IPCEF1: variants seen among roughly 807,000 people sequenced by gnomAD.
IPCEF1 encodes the protein interaction protein for cytohesin exchange factors 1, also known as interactor protein for cytohesin exchange factors 1.
IPCEF1 carries 31 observed loss-of-function variants against 50.9 expected under a neutral mutation model. That is an observed-to-expected ratio of 0.61 (90% CI 0.46 to 0.82). The LOEUF is 0.82. Ranked by LOEUF, IPCEF1 falls within the 40% of genes least tolerant of loss-of-function variation. IPCEF1 has a pLI of 0.00. For missense variants in IPCEF1, 458 were observed against 514.0 expected (o/e 0.89, Z 1.05); for synonymous variants, 181 against 192.0 (o/e 0.94, Z 0.47).
Position 154,156,557 on chromosome 6 carries a change from A to C in IPCEF1, c.*3271T>G, listed in dbSNP as rs2128544077. The C allele has an allele frequency of 6.6e-6, 1 of 152,332 alleles. No individual in the cohort carries two copies. Among genetic ancestry groups the C allele is most frequent in the Non-Finnish European group, 1.5e-5 (1 of 68,068 alleles). The allele number at this position is 152,332 out of a possible 1,614,324, so 9.4% of individuals were successfully genotyped here. ...CATGGGGCAGCGGGAGGGGGCTGAA[A>C]ACACACCAATTTGCAAACTACAAAG... On this transcript the variant is annotated 3_prime_UTR_variant, in exon 12 of 12. Coordinates refer to ENST00000367220, the MANE Select transcript of IPCEF1 (RefSeq NM_001130700.2).
chr6:154,194,951 T>G (rs1423995094), intron 10 of IPCEF1, among the ~76,000 whole-genome samples: 1 of 151,974 alleles, frequency 6.6e-6, no homozygotes, highest in Non-Finnish European at 1.5e-5. Flanking sequence ...AGGAACAAAA[T>G]TAAGTGCTGA....
At chr6:154,210,714 T>A (rs1048049451) in intron 9 of IPCEF1, among the ~76,000 whole-genome samples, 1 of 152,216 alleles carries the variant, frequency 6.6e-6, no homozygotes, top group African/African-American at 2.4e-5. Context: ...ATGAATATAG[T>A]AAGAAAGAAT....
Position 154,221,332 on chromosome 6 carries a change from G to T in IPCEF1, c.321-4C>A. ...TGGATGGCTGATCTTAAAAGCACTT[G>T]AAGGAGGAAAAGCACAAACACATAA... On this transcript the variant is annotated splice_polypyrimidine_tract_variant and splice_region_variant and intron_variant, in intron 6 of 11. Coordinates refer to ENST00000367220, the MANE Select transcript of IPCEF1 (RefSeq NM_001130700.2). 6.2e-7 allele frequency: 1 copy of T among 1,613,276 alleles called. No homozygotes were observed. The highest frequency in any genetic ancestry group is 8.5e-7 in the Non-Finnish European group (1 of 1,179,512).
In IPCEF1 at chr6:154,302,284, G is replaced by A. The variant is rs188122699; in HGVS notation, c.-61-12528C>T. ...CTGCTGTCAGAAATCTCTGAGTCAC[G>A]CTCACTTCGAGAGGCAGCAAAACCA... On this transcript the variant is annotated intron_variant, in intron 1 of 11. Coordinates refer to ENST00000367220, the MANE Select transcript of IPCEF1 (RefSeq NM_001130700.2). Among the ~76,000 whole-genome samples the A allele has an allele frequency of 1.8e-4, 27 of 152,216 alleles. No homozygotes were observed. The East Asian group carries it at 5.0e-3, about 28-fold the overall frequency.
chr6:154,262,278 A>G (rs1317690622), intron 3 of IPCEF1, among the ~76,000 whole-genome samples: 1 of 152,254 alleles, frequency 6.6e-6, no homozygotes, highest in Non-Finnish European at 1.5e-5. Flanking sequence ...TTTGTACACA[A>G]GACCAAGGGA....
intron 1 of IPCEF1, among the ~76,000 whole-genome samples, chr6:154,294,109 T>C (rs1310047140): frequency 6.6e-6 from 1 of 152,252 alleles, no homozygotes; most frequent in Non-Finnish European, 1.5e-5. Context: ...ATTAACCTCC[T>C]AATTGTTATT....
At chr6:154,342,363 T>C (rs116988473) in intron 1 of IPCEF1, among the ~76,000 whole-genome samples, 2,975 of 152,336 alleles carry the variant, frequency 0.02, 50 homozygotes, top group Middle Eastern at 0.058. Flanking sequence ...CCTTGTCTTA[T>C]GTAAAATGTA....
At chr6:154,355,497 T>TC (rs1784201370) in intron 1 of IPCEF1, among the ~76,000 whole-genome samples, 2 of 151,784 alleles carry the variant, frequency 1.3e-5, no homozygotes, top group Non-Finnish European at 1.5e-5. Context: ...TTTCTTTCTT[T>TC]TTTTTTTTTG....
chr6:154,295,585 C>T lies in IPCEF1; in HGVS notation c.-61-5829G>A, dbSNP rs376861451. Among the ~76,000 whole-genome samples, 34 of 152,322 alleles carry T rather than the reference C, an allele frequency of 2.2e-4. 2 individuals are homozygous for T. In the East Asian group the frequency reaches 4.8e-3, roughly 22 times the overall value. On this transcript the variant is annotated intron_variant, in intron 1 of 11. Transcript: ENST00000367220. Reference sequence around the variant, plus strand: ...GAGCACAGGGGGTCTAGGTCAGCGACGCCTGCACAAGGATCTGCTGCCTCT... The same window carrying T: ...GAGCACAGGGGGTCTAGGTCAGCGATGCCTGCACAAGGATCTGCTGCCTCT...
intron 1 of IPCEF1, among the ~76,000 whole-genome samples, chr6:154,346,023 G>A (rs192085026): frequency 2.1e-4 from 32 of 151,994 alleles, no homozygotes; most frequent in Non-Finnish European, 3.5e-4. Context: ...GTGCCACCGC[G>A]CCTGGCTAAT....
At chr6:154,201,203 C>T (rs1298713280) in intron 9 of IPCEF1, among the ~76,000 whole-genome samples, 1 of 152,190 alleles carries the variant, frequency 6.6e-6, no homozygotes, top group Non-Finnish European at 1.5e-5. Context: ...TACCCAGTCT[C>T]TGATAGTTCT....
chr6:154,175,685 C>T (rs1164600385), intron 10 of IPCEF1, among the ~76,000 whole-genome samples: 1 of 151,974 alleles, frequency 6.6e-6, no homozygotes, highest in Non-Finnish European at 1.5e-5. Context: ...AATTAATAGC[C>T]TACCAACCAA....
Position 154,256,154 on chromosome 6 carries a change from A to G in IPCEF1, c.37-8666T>C, listed in dbSNP as rs150654116. ...ACAGTTCTGGAAGCTGGGAAGTCCA[A>G]CATCAAGATGTGGGCAGAGCTGGTG... On this transcript the variant is annotated intron_variant, in intron 3 of 11. Coordinates refer to ENST00000367220, the MANE Select transcript of IPCEF1 (RefSeq NM_001130700.2). Among the ~76,000 whole-genome samples the G allele has an allele frequency of 2.1e-3, 314 of 152,288 alleles. 5 individuals carry two copies. The East Asian group carries it at 0.048, about 23-fold the overall frequency.
chr6:154,223,330 G>A (rs576824229), intron 5 of IPCEF1, 87 bp from the exon 6 acceptor site: 45 of 1,028,306 alleles, frequency 4.4e-5, no homozygotes, highest in Non-Finnish European at 6.1e-5. Flanking sequence ...AATAGGGATG[G>A]TATAAATGAC....
At chr6:154,337,246 C>A (rs1304831778) in intron 1 of IPCEF1, among the ~76,000 whole-genome samples, 1 of 152,044 alleles carries the variant, frequency 6.6e-6, no homozygotes, top group African/African-American at 2.4e-5. Context: ...ATTTCCTTCT[C>A]AAAATAGAGC....
chr6:154,212,639 TG>T lies in IPCEF1; in HGVS notation c.537+130del, dbSNP rs1223144283. 3 of 632,170 alleles carry T rather than the reference TG, an allele frequency of 4.7e-6. No homozygotes were observed. In the East Asian group the frequency reaches 8.2e-5, roughly 17 times the overall value. 39.2% of individuals were successfully genotyped at this position (632,170 alleles called of 1,614,324 possible). On this transcript the variant is annotated intron_variant, in intron 9 of 11. Coordinates refer to ENST00000367220, the MANE Select transcript of IPCEF1 (RefSeq NM_001130700.2). ...AAATCAGCACCCTGAAAATTGCACT[TG>T]CTCGTTGGCAGGTATCTTAATTTAG...
chr6:154,182,072 A>T (rs1462972982), intron 10 of IPCEF1, among the ~76,000 whole-genome samples: 4 of 152,172 alleles, frequency 2.6e-5, no homozygotes, highest in Admixed American at 1.3e-4. Context: ...ATTTTTAAAA[A>T]AGATCACAGG....
At chr6:154,264,626 G>A (rs569153765) in intron 3 of IPCEF1, among the ~76,000 whole-genome samples, 7 of 152,154 alleles carry the variant, frequency 4.6e-5, no homozygotes, top group South Asian at 2.1e-4. Context: ...CACCCACCTC[G>A]GCCTGCCAAA....
intron 1 of IPCEF1, among the ~76,000 whole-genome samples, chr6:154,332,816 T>C (rs75312776): frequency 0.021 from 3,227 of 152,212 alleles, 61 homozygotes; most frequent in Non-Finnish European, 0.032. Context: ...TGTTGTAAAA[T>C]AGGCACATTA....
Sources: allele counts gnomAD v4.1 joint callset (sites outside exome capture counted in the v4.1 genomes callset), GRCh38; gene constraint gnomAD v4.1.1; transcripts MANE v1.5; gene names NCBI Gene and HGNC (gene_info 2026-07-23, HGNC 2026-07-21).